MRPS28: variants seen among roughly 807,000 people sequenced by gnomAD.
MRPS28 encodes small ribosomal subunit protein bS1m.
Under a neutral mutation model 10.8 loss-of-function variants are expected in MRPS28, and 7 were observed. The ratio of observed to expected loss-of-function variants is 0.65; its 90% confidence interval spans 0.37 to 1.22. MRPS28 has a LOEUF of 1.22. Among genes scored for constraint, MRPS28 ranks in the 50% most tolerant of loss-of-function variants. The pLI, the probability that MRPS28 is intolerant of heterozygous loss-of-function variation, is 0.02. For missense variants in MRPS28, 265 were observed against 232.9 expected, an observed-to-expected ratio of 1.14 and a Z score of -0.90; for synonymous variants, 121 against 93.3, an observed-to-expected ratio of 1.30 and a Z score of -1.71.
At chr8:80,021,462 A>G (rs1809363719) in intron 1 of MRPS28, among the ~76,000 whole-genome samples, 1 of 152,232 alleles carries the variant, frequency 6.6e-6, no homozygotes, top group African/African-American at 2.4e-5. Context: ...AGGAGACTGG[A>G]CAGTCAGTCT....
At chr8:79,982,655 C>T (rs1369003739) in intron 2 of MRPS28, among the ~76,000 whole-genome samples, 1 of 152,188 alleles carries the variant, frequency 6.6e-6, no homozygotes, top group Non-Finnish European at 1.5e-5. Context: ...CGGAGTCTCG[C>T]TGATTGCTAG....
chr8:79,957,476 G>C (rs141925020), intron 2 of MRPS28: 1 of 147,130 alleles, frequency 6.8e-6, no homozygotes, highest in Non-Finnish European at 1.5e-5. Flanking sequence ...GGGAGACCAA[G>C]AAGGGGGTGG....
At chr8:79,962,197 T>C (rs1330483646) in intron 2 of MRPS28, among the ~76,000 whole-genome samples, 3 of 152,030 alleles carry the variant, frequency 2.0e-5, no homozygotes, top group Non-Finnish European at 4.4e-5. Context: ...AGTAGTTTTA[T>C]ATTATTCGTC....
rs191040879 is a variant in MRPS28 at position 80,019,712 on chromosome 8, T to C, written c.213+10324A>G. Among the ~76,000 whole-genome samples, 931 of 152,232 alleles carry C rather than the reference T, an allele frequency of 6.1e-3. 6 individuals are homozygous for C. The highest frequency in any genetic ancestry group is 0.01 in the Middle Eastern group (3 of 294). On this transcript the variant is annotated intron_variant, in intron 1 of 2. Transcript: ENST00000276585. ...AAACTGTGTATGATCATGGATGGCA[T>C]GATGACCTATGTAGAAAATCAAAAA...
At chr8:79,932,508 G>A (rs994678445) in intron 2 of MRPS28, among the ~76,000 whole-genome samples, 1 of 152,170 alleles carries the variant, frequency 6.6e-6, no homozygotes, top group South Asian at 2.1e-4. Context: ...GGACTCGCAG[G>A]TCAGACAGGA....
intron 2 of MRPS28, among the ~76,000 whole-genome samples, chr8:79,950,547 C>G (rs778061204): frequency 3.2e-4 from 49 of 152,154 alleles, no homozygotes; most frequent in Non-Finnish European, 6.0e-4. Context: ...GTAACACAAA[C>G]ACACACATAT....
At chr8:79,922,750 AAACATC>A (rs1810128901) in intron 2 of MRPS28, among the ~76,000 whole-genome samples, 1 of 152,142 alleles carries the variant, frequency 6.6e-6, no homozygotes, top group East Asian at 1.9e-4. Flanking sequence ...TTTAAAAGTT[AAACATC>A]AACATTATAG....
intron 2 of MRPS28, among the ~76,000 whole-genome samples, chr8:79,925,660 A>AT (rs1345495726): frequency 3.3e-5 from 5 of 152,194 alleles, no homozygotes; most frequent in Non-Finnish European, 7.3e-5. Context: ...GACAGTTATA[A>AT]TTTTTTCTCA....
chr8:79,987,600 T>C (rs1310061751), intron 2 of MRPS28, among the ~76,000 whole-genome samples: 2 of 151,934 alleles, frequency 1.3e-5, no homozygotes, highest in African/African-American at 2.4e-5. Context: ...AACAACCCCA[T>C]CAAAAAGTGG....
At chr8:79,954,206 C>G (rs1413278315) in intron 2 of MRPS28, among the ~76,000 whole-genome samples, 1 of 151,680 alleles carries the variant, frequency 6.6e-6, no homozygotes, top group Non-Finnish European at 1.5e-5. Context: ...TGAGACCTCA[C>G]CTCTAAAAAA....
At chr8:79,965,196 G>A (rs1399371813) in intron 2 of MRPS28, among the ~76,000 whole-genome samples, 2 of 152,002 alleles carry the variant, frequency 1.3e-5, no homozygotes, top group Non-Finnish European at 2.9e-5. Context: ...TATTTTAGGG[G>A]CCAGATATTC....
intron 1 of MRPS28, among the ~76,000 whole-genome samples, chr8:80,022,354 T>A (rs982274066): frequency 1.3e-5 from 2 of 152,210 alleles, no homozygotes; most frequent in African/African-American, 4.8e-5. Flanking sequence ...CTGAAGGACA[T>A]CTAGGCTGCT....
At chr8:79,994,683 C>T (rs1165031718) in intron 2 of MRPS28, among the ~76,000 whole-genome samples, 1 of 152,110 alleles carries the variant, frequency 6.6e-6, no homozygotes, top group East Asian at 1.9e-4. Context: ...CACACCTCTG[C>T]CAGAATGATC....
At chr8:79,975,634 A>C (rs1481957418) in intron 2 of MRPS28, among the ~76,000 whole-genome samples, 1 of 152,188 alleles carries the variant, frequency 6.6e-6, no homozygotes, top group Admixed American at 6.5e-5. Context: ...AAACGGCCAA[A>C]CGTTCAACAT....
chr8:79,920,620 T>A (rs1184007332), intron 2 of MRPS28, among the ~76,000 whole-genome samples: 1 of 152,192 alleles, frequency 6.6e-6, no homozygotes, highest in African/African-American at 2.4e-5. Flanking sequence ...ATATCCTTCA[T>A]CCACTTTTTG....
chr8:80,010,697 G>C (rs1032908067), intron 1 of MRPS28, among the ~76,000 whole-genome samples: 6 of 152,228 alleles, frequency 3.9e-5, no homozygotes, highest in African/African-American at 1.2e-4. Flanking sequence ...TCCAGGTGTT[G>C]AATTTGGCCC....
intron 2 of MRPS28, among the ~76,000 whole-genome samples, chr8:79,955,298 T>C (rs942229424): frequency 3.3e-5 from 5 of 152,198 alleles, no homozygotes; most frequent in African/African-American, 1.2e-4. Flanking sequence ...CTGATTTATA[T>C]TTAACTTCTC....
In MRPS28 at chr8:79,991,156, A is replaced by C. The variant is rs538634667; in HGVS notation, c.395+11843T>G. The stretch of plus-strand genomic sequence containing the variant: ...CAGGAGGAAGGTTGTAATGAAGAGA[A>C]ATGAGTCTATTCTGACTCTTGGCTT... On this transcript the variant is annotated intron_variant, in intron 2 of 2. Coordinates refer to ENST00000276585, the MANE Select transcript of MRPS28 (RefSeq NM_014018.3). Among the ~76,000 whole-genome samples, 9 of 152,262 alleles carry C rather than the reference A, an allele frequency of 5.9e-5. No homozygotes were observed. In the South Asian group the frequency reaches 1.9e-3, roughly 32 times the overall value.
intron 1 of MRPS28, among the ~76,000 whole-genome samples, chr8:80,012,348 C>A (rs541912673): frequency 6.6e-6 from 1 of 152,328 alleles, no homozygotes; most frequent in Admixed American, 6.5e-5. Flanking sequence ...AGAACCATCT[C>A]TGAATCCTAG....
Sources: gnomAD v4.1 joint callset for allele counts (sites outside exome capture counted in the v4.1 genomes callset) on GRCh38, gnomAD v4.1.1 for gene constraint, MANE v1.5 for transcripts, NCBI Gene and HGNC (gene_info 2026-07-23, HGNC 2026-07-21) for gene names.